Variants in CERKL observed in about 807,000 individuals in gnomAD.
CERKL encodes the protein CERK like autophagy regulator, also known as ceramide kinase-like protein.
Under a neutral mutation model 63.4 loss-of-function variants are expected in CERKL, and 61 were observed. That is an observed-to-expected ratio of 0.96 (90% CI 0.78 to 1.19). The LOEUF (loss-of-function observed/expected upper bound fraction) is 1.19, where lower values mean the gene tolerates loss of function less well. Among genes scored for constraint, CERKL ranks in the 50% most tolerant of loss-of-function variants. The probability of loss-of-function intolerance (pLI) is 0.00; values close to 1 mark genes in which losing one functional copy is unlikely to be tolerated. For missense variants in CERKL, 675 were observed against 655.5 expected (o/e 1.03, Z -0.33); for synonymous variants, 250 against 230.5 (o/e 1.08, Z -0.77).
intron 2 of CERKL, among the ~76,000 whole-genome samples, chr2:181,574,437 G>A (rs375804021): frequency 1.3e-5 from 2 of 152,146 alleles, no homozygotes; most frequent in African/African-American, 4.8e-5. Context: ...AGAGGGTTTC[G>A]GTCAGAGTTC....
Position 181,656,752 on chromosome 2 carries a change from TG to T in CERKL, c.238+16del, listed in dbSNP as rs1688178590. 1.9e-6 allele frequency: 3 copies of T among 1,577,234 alleles called. No homozygotes were observed. Among genetic ancestry groups the T allele is most frequent in the African/African-American group, 1.4e-5 (1 of 72,928 alleles). ...AAGCGCGGAGGGAGGCGAAGACGCT[TG>T]GGGCCGGGCACTCACCCGCCGGGCG... On this transcript the variant is annotated intron_variant, in intron 1 of 12. Coordinates refer to ENST00000410087, the MANE Select transcript of CERKL (RefSeq NM_201548.5).
At position 181,540,009 on chromosome 2, in the gene CERKL, A is replaced by G. The variant is rs115711091; in HGVS notation, c.1366-745T>C. On this transcript the variant is annotated intron_variant, in intron 11 of 12. Coordinates refer to ENST00000410087, the MANE Select transcript of CERKL (RefSeq NM_201548.5). ...AATGACATGAGATACATTCCTAATT[A>G]AACATCATCTACATAGTTTTTCCCC... 1.9e-3 allele frequency among the ~76,000 whole-genome samples: 289 copies of G among 152,350 alleles called. 1 individual carries two copies. The highest frequency in any genetic ancestry group is 2.8e-3 in the Non-Finnish European group (188 of 68,032).
At chr2:181,548,455 C>T in intron 8 of CERKL, 90 bp downstream of exon 8, 2 of 1,000,750 alleles carry the variant, frequency 2.0e-6, no homozygotes, top group African/African-American at 3.2e-5. Context: ...AGAAAAATAA[C>T]CAAAGATCCT....
intron 11 of CERKL, among the ~76,000 whole-genome samples, chr2:181,540,908 G>A (rs1202658623): frequency 6.6e-6 from 1 of 152,162 alleles, no homozygotes; most frequent in Non-Finnish European, 1.5e-5. Flanking sequence ...CTTCCCATTT[G>A]AATTGAGCCT....
At chr2:181,615,005 A>G (rs1299220698) in intron 1 of CERKL, among the ~76,000 whole-genome samples, 1 of 152,208 alleles carries the variant, frequency 6.6e-6, no homozygotes, top group Non-Finnish European at 1.5e-5. Flanking sequence ...TTTGAAATCT[A>G]CTGGTTCATT....
intron 1 of CERKL, among the ~76,000 whole-genome samples, chr2:181,623,893 G>A (rs569232716): frequency 9.3e-4 from 142 of 152,082 alleles, no homozygotes; most frequent in Non-Finnish European, 1.7e-3. Flanking sequence ...ATTATGAAAT[G>A]CTACCACAAA....
At chr2:181,563,710 C>A (rs187717523) in intron 4 of CERKL, among the ~76,000 whole-genome samples, 243 of 152,172 alleles carry the variant, frequency 1.6e-3, no homozygotes, top group African/African-American at 5.3e-3. Flanking sequence ...TAGAATATTC[C>A]ATTTTCAAAC....
intron 1 of CERKL, among the ~76,000 whole-genome samples, chr2:181,648,414 A>C (rs1161376503): frequency 6.6e-6 from 1 of 152,152 alleles, no homozygotes; most frequent in Non-Finnish European, 1.5e-5. Context: ...AACAAAAAAA[A>C]ACGAGTCTCG....
intron 1 of CERKL, among the ~76,000 whole-genome samples, chr2:181,636,780 G>A (rs1171173899): frequency 1.3e-5 from 2 of 152,076 alleles, no homozygotes; most frequent in Non-Finnish European, 2.9e-5. Flanking sequence ...GAACCTCTCT[G>A]TAGCTTTTCC....
intron 1 of CERKL, among the ~76,000 whole-genome samples, chr2:181,604,931 G>A (rs1048935788): frequency 2.6e-5 from 4 of 151,926 alleles, no homozygotes; most frequent in African/African-American, 9.7e-5. Context: ...TAATTATTGT[G>A]GAAAAGACCA....
intron 4 of CERKL, chr2:181,565,430 T>G: frequency 1.9e-6 from 3 of 1,609,260 alleles, no homozygotes; most frequent in Non-Finnish European, 2.6e-6. Flanking sequence ...TTATATCACT[T>G]GCCTTGGTTC....
intron 3 of CERKL, among the ~76,000 whole-genome samples, chr2:181,570,096 A>G (rs928759679): frequency 3.3e-5 from 5 of 152,222 alleles, no homozygotes; most frequent in Admixed American, 6.5e-5. Flanking sequence ...TTATAAGCAA[A>G]GGATGAATTA....
intron 2 of CERKL, among the ~76,000 whole-genome samples, chr2:181,588,020 T>C (rs1159173604): frequency 6.6e-6 from 1 of 152,234 alleles, no homozygotes; most frequent in East Asian, 1.9e-4. Context: ...ATTTATCATG[T>C]ACATCATGTT....
chr2:181,581,372 A>G (rs1357093553), intron 2 of CERKL, among the ~76,000 whole-genome samples: 1 of 152,216 alleles, frequency 6.6e-6, no homozygotes, highest in East Asian at 1.9e-4. Context: ...TTCTTGATTC[A>G]TAGACCCCTG....
At chr2:181,586,492 T>C (rs1221956184) in intron 2 of CERKL, among the ~76,000 whole-genome samples, 1 of 152,148 alleles carries the variant, frequency 6.6e-6, no homozygotes, top group Non-Finnish European at 1.5e-5. Flanking sequence ...TATTCATAAC[T>C]TGACAACAGT....
intron 8 of CERKL, 44 bp from the exon 9 acceptor site, chr2:181,547,891 G>GCGCACAGA: frequency 8.9e-7 from 1 of 1,120,918 alleles, no homozygotes; most frequent in Non-Finnish European, 1.2e-6. Context: ...CAGATAACGC[G>GCGCACAGA]CGCACAGACA....
Position 181,603,843 on chromosome 2 carries a change from AT to A in CERKL, c.474del (p.Leu159TrpfsTer11). ...TCCCATGAGGAGTACTTACCTGCCA[AT>A]ATTTTCTTGAACTGTCTAAACCATA... ...CDIWFRQFKK[I>X]LAGFPNRPKS... On this transcript the variant is annotated frameshift_variant, in exon 2 of 13. Coordinates refer to ENST00000410087, the MANE Select transcript of CERKL (RefSeq NM_201548.5). LOFTEE classifies it high-confidence loss of function. 4 of 1,613,358 alleles carry A rather than the reference AT, an allele frequency of 2.5e-6. No individual in the cohort carries two copies. Among genetic ancestry groups the A allele is most frequent in the Non-Finnish European group, 3.4e-6 (4 of 1,179,530 alleles).
chr2:181,555,426 C>T (rs543036363), intron 5 of CERKL, among the ~76,000 whole-genome samples: 1 of 152,244 alleles, frequency 6.6e-6, no homozygotes, highest in South Asian at 2.1e-4. Flanking sequence ...GTGTCTTCTA[C>T]TTAGAAACCA....
In CERKL at chr2:181,604,043, A is replaced by G. The variant is rs777384493; in HGVS notation, c.275T>C (p.Phe92Ser). Residue 92 changes from phenylalanine to serine, a missense_variant, in exon 2 of 13, where the codon TTT becomes TCT. Transcript: ENST00000410087. ...SKYDLLCKEE[F>S]IELKDIFSVK... ...AGAGAATATGTCTTTGAGTTCAATA[A>G]ATTCTTCTTTACATAGCAAGTCATA... 6.2e-7 allele frequency: 1 copy of G among 1,606,998 alleles called. No homozygotes were observed. Among genetic ancestry groups the G allele is most frequent in the Non-Finnish European group, 8.5e-7 (1 of 1,174,270 alleles).
Sources: allele counts gnomAD v4.1 joint callset (sites outside exome capture counted in the v4.1 genomes callset), GRCh38; gene constraint gnomAD v4.1.1; transcripts MANE v1.5; gene names NCBI Gene and HGNC (gene_info 2026-07-23, HGNC 2026-07-21).